The following MAP3K4 variants were observed in gnomAD, a reference collection of about 807,000 sequenced individuals.
MAP3K4 encodes the protein MAP three kinase 1.
Under a neutral mutation model 185.6 loss-of-function variants are expected in MAP3K4, and 67 were observed. The observed-to-expected ratio is 0.36, with a 90% CI of 0.30 to 0.44. MAP3K4 has a LOEUF of 0.44. Among genes scored for constraint, MAP3K4 ranks in the 20% least tolerant of loss-of-function variants. MAP3K4 has a pLI of 1.00. For missense variants in MAP3K4, 1,551 were observed against 1,995.1 expected, an observed-to-expected ratio of 0.78 and a Z score of 4.24; for synonymous variants, 702 against 710.4, an observed-to-expected ratio of 0.99 and a Z score of 0.19.
Position 161,114,299 on chromosome 6 carries a change from A to G in MAP3K4, c.4627-824A>G, listed in dbSNP as rs6901507. Reference sequence around the variant, plus strand: ...ATGTAAAAAGACACGCATGAACTGCACATGGTAGCTTACCGTACACATACA... The same window carrying G: ...ATGTAAAAAGACACGCATGAACTGCGCATGGTAGCTTACCGTACACATACA... On this transcript the variant is annotated intron_variant, in intron 25 of 26. Coordinates refer to ENST00000392142, the MANE Select transcript of MAP3K4 (RefSeq NM_005922.4). The surrounding 1 kb of genome is among the most constrained non-coding windows in gnomAD (Gnocchi z 4.3). 0.02 allele frequency among the ~76,000 whole-genome samples: 3,106 copies of G among 152,342 alleles called. 69 individuals carry two copies. The highest frequency in any genetic ancestry group is 0.051 in the African/African-American group (2,127 of 41,564).
chr6:161,113,486 G>A (rs1009524090), intron 25 of MAP3K4, among the ~76,000 whole-genome samples: 3 of 152,160 alleles, frequency 2.0e-5, no homozygotes, highest in African/African-American at 7.2e-5. Flanking sequence ...CCCATAGAAT[G>A]TGCAACAGAG....
chr6:161,112,087 AC>A lies in MAP3K4; in HGVS notation c.4519+131del, dbSNP rs2114920892. 8.1e-7 allele frequency: 1 copy of A among 1,235,264 alleles called. No homozygotes were observed. The highest frequency in any genetic ancestry group is 1.1e-6 in the Non-Finnish European group (1 of 903,476). The allele number at this position is 1,235,264 out of a possible 1,614,324, so 76.5% of individuals were successfully genotyped here. Reference sequence around the variant, plus strand: ...GTAAAGGTTTTCAGTCGTGAGAAGGACCACTTCCTCACACACTTGGGCTCCC... The same window carrying A: ...GTAAAGGTTTTCAGTCGTGAGAAGGACACTTCCTCACACACTTGGGCTCCC... On this transcript the variant is annotated intron_variant, in intron 24 of 26. Coordinates refer to ENST00000392142, the MANE Select transcript of MAP3K4 (RefSeq NM_005922.4). The surrounding 1 kb of genome is among the most constrained non-coding windows in gnomAD (Gnocchi z 5.1).
chr6:161,039,290 A>AAC (rs1554276216), intron 2 of MAP3K4, among the ~76,000 whole-genome samples: 1 of 151,874 alleles, frequency 6.6e-6, no homozygotes, highest in African/African-American at 2.4e-5. Context: ...AAAAAAAAAA[A>AAC]AAAAAAAAAA....
At position 161,087,837 on chromosome 6, in the gene MAP3K4, T is replaced by C. The variant is rs765688675; in HGVS notation, c.2706T>C (p.Leu902=). 6.2e-7 allele frequency: 1 copy of C among 1,614,136 alleles called. No individual in the cohort carries two copies. The highest frequency in any genetic ancestry group is 1.7e-5 in the Admixed American group (1 of 60,020). ...ACGTACTCATCGATGCCTATCTGCT[T>C]CTGACCAAGCACGGTGATCGAGCCC... is the stretch of plus-strand genomic sequence containing the variant. The part of the protein sequence containing the change: ...SDDVLIDAYL[L]LTKHGDRARD... The change falls in exon 10 of 27, where the codon CTT becomes CTC. Residue 902 remains leucine (L), a synonymous_variant. Transcript: ENST00000392142. The surrounding 1 kb of genome is among the most constrained non-coding windows in gnomAD (Gnocchi z 4.9).
Position 160,991,819 on chromosome 6 carries a change from G to A in MAP3K4, c.-113G>A, listed in dbSNP as rs1025923875. 8.2e-7 allele frequency: 1 copy of A among 1,212,994 alleles called. No individual in the cohort carries two copies. Among genetic ancestry groups the A allele is most frequent in the Non-Finnish European group, 1.1e-6 (1 of 935,484 alleles). 75.1% of individuals were successfully genotyped at this position (1,212,994 alleles called of 1,614,324 possible). Reference sequence around the variant, plus strand: ...TGGCCGCGGCGCGCACGGCTCCTGCGGCGGGGTAGAGGCGGAGGCGGAGTC... The same window carrying A: ...TGGCCGCGGCGCGCACGGCTCCTGCAGCGGGGTAGAGGCGGAGGCGGAGTC... On this transcript the variant is annotated 5_prime_UTR_variant, in exon 1 of 27. Transcript: ENST00000392142. This position sits in a 1 kb window ranked among gnomAD's most constrained non-coding sequence, Gnocchi z 5.7.
At chr6:161,018,116 C>T (rs371061380) in intron 1 of MAP3K4, among the ~76,000 whole-genome samples, 2 of 152,006 alleles carry the variant, frequency 1.3e-5, no homozygotes, top group African/African-American at 4.8e-5. Flanking sequence ...GACTGTGTTG[C>T]GGGGAAGAAT....
intron 1 of MAP3K4, among the ~76,000 whole-genome samples, chr6:161,006,824 G>A (rs1002207377): frequency 2.6e-5 from 4 of 151,506 alleles, no homozygotes; most frequent in Non-Finnish European, 5.9e-5. Context: ...TCAAGCATAC[G>A]CAAATGTAAC....
In MAP3K4 at chr6:161,087,888, C is replaced by T. The variant is rs760050122; in HGVS notation, c.2757C>T (p.Thr919=). 6.2e-7 allele frequency: 1 copy of T among 1,614,010 alleles called. No individual in the cohort carries two copies. The highest frequency in any genetic ancestry group is 8.5e-7 in the Non-Finnish European group (1 of 1,180,030). Residue 919 remains threonine (T), a synonymous_variant, in exon 10 of 27, where the codon ACC becomes ACT. Coordinates refer to ENST00000392142, the MANE Select transcript of MAP3K4 (RefSeq NM_005922.4). The surrounding 1 kb of genome is among the most constrained non-coding windows in gnomAD (Gnocchi z 4.9). ...GTGATTCAGAGGACAGCTGGGGCAC[C>T]TGGGAGGCACAGCCTGTCAAAGTCG... ...RARDSEDSWG[T]WEAQPVKVVP...
rs753077794 is a variant in MAP3K4, at chr6:161,073,540, G to A, written c.2025G>A (p.Glu675=). The stretch of plus-strand genomic sequence containing the variant: ...AGTACTACCAGTTCATGCTGCAGGA[G>A]GTTCTGGAGGACTTGGAGAAGCCCG... ...MKQYYQFMLQ[E]VLEDLEKPDC... is the part of the protein sequence containing the mutation. Residue 675 remains glutamate, a synonymous_variant, in exon 5 of 27, where the codon GAG becomes GAA. Coordinates refer to ENST00000392142, the MANE Select transcript of MAP3K4 (RefSeq NM_005922.4). This position sits in a 1 kb window ranked among gnomAD's most constrained non-coding sequence, Gnocchi z 4.2. 15 of 1,613,930 alleles carry A rather than the reference G, an allele frequency of 9.3e-6. No homozygotes were observed. The highest frequency in any genetic ancestry group is 1.2e-5 in the Non-Finnish European group (14 of 1,179,966).
rs894977262 is a variant in MAP3K4, at chr6:161,098,494, G to A, written c.3674+67G>A. On this transcript the variant is annotated intron_variant, in intron 17 of 26. Coordinates refer to ENST00000392142, the MANE Select transcript of MAP3K4 (RefSeq NM_005922.4). The surrounding 1 kb of genome is among the most constrained non-coding windows in gnomAD (Gnocchi z 4.4). ...TACATGCGCTTACACAGCAACCATAGTGTTAGGGTGTGTGCCGGCTGTGGT... is the reference window on the plus strand; with the variant it reads ...TACATGCGCTTACACAGCAACCATAATGTTAGGGTGTGTGCCGGCTGTGGT... 4.0e-6 allele frequency: 6 copies of A among 1,516,204 alleles called. No homozygotes were observed. In the African/African-American group the frequency reaches 5.5e-5, roughly 14 times the overall value. The allele number at this position is 1,516,204 out of a possible 1,614,324, so 93.9% of individuals were successfully genotyped here. A position where few individuals can be genotyped will look rare whatever the true frequency, so the allele number is the denominator to read the frequency against.
chr6:161,060,562 G>A (rs147098401), intron 3 of MAP3K4, among the ~76,000 whole-genome samples: 10 of 151,354 alleles, frequency 6.6e-5, no homozygotes, highest in Middle Eastern at 3.5e-3. Context: ...GCTATCCTAG[G>A]CTGACATTGT....
Position 161,101,836 on chromosome 6 carries a change from C to A in MAP3K4, c.3675-56C>A. The A allele has an allele frequency of 6.9e-7, 1 of 1,449,132 alleles. No homozygotes were observed. Among genetic ancestry groups the A allele is most frequent in the Non-Finnish European group, 9.6e-7 (1 of 1,037,178 alleles). 89.8% of individuals were successfully genotyped at this position (1,449,132 alleles called of 1,614,324 possible). A position where few individuals can be genotyped will look rare whatever the true frequency, so the allele number is the denominator to read the frequency against. ...ATTGCTCTAGAAAAATCTCGCAGATCTTTCATTTTAAGTTCTATTGAATTG... is the reference window on the plus strand; with the variant it reads ...ATTGCTCTAGAAAAATCTCGCAGATATTTCATTTTAAGTTCTATTGAATTG... On this transcript the variant is annotated intron_variant, in intron 17 of 26. Transcript: ENST00000392142. This position sits in a 1 kb window ranked among gnomAD's most constrained non-coding sequence, Gnocchi z 5.1.
chr6:161,050,088 A>C, intron 3 of MAP3K4, 109 bp downstream of exon 3: 1 of 1,117,534 alleles, frequency 8.9e-7, no homozygotes, highest in Non-Finnish European at 1.3e-6. Flanking sequence ...TTTGAACACA[A>C]ATGGCAGTTA....
chr6:161,012,556 C>T (rs1415592518), intron 1 of MAP3K4, among the ~76,000 whole-genome samples: 4 of 152,158 alleles, frequency 2.6e-5, no homozygotes, highest in African/African-American at 9.6e-5. Flanking sequence ...TAACTTGTTG[C>T]TTTATATAAT....
intron 15 of MAP3K4, among the ~76,000 whole-genome samples, chr6:161,094,963 ATAGAAAAAGTATC>A (rs1284337097): frequency 3.9e-5 from 6 of 152,238 alleles, no homozygotes; most frequent in African/African-American, 1.4e-4. Flanking sequence ...AAATCACAAC[ATAGAAAAAGTATC>A]TAGAAAAATA....
intron 11 of MAP3K4, among the ~76,000 whole-genome samples, chr6:161,090,273 T>G (rs1396548907): frequency 6.6e-6 from 1 of 152,250 alleles, no homozygotes; most frequent in Non-Finnish European, 1.5e-5. Context: ...GGAGACCTTG[T>G]GTGCACTCGT....
chr6:161,034,248 G>A lies in MAP3K4; in HGVS notation c.153-11G>A, dbSNP rs759287977. ...TTGCTGAATATTTTCCCTGCACACT[G>A]TCTTTCATAGGCAAGAGGGCACATT... On this transcript the variant is annotated splice_polypyrimidine_tract_variant and intron_variant, in intron 1 of 26. Coordinates refer to ENST00000392142, the MANE Select transcript of MAP3K4 (RefSeq NM_005922.4). The surrounding 1 kb of genome is among the most constrained non-coding windows in gnomAD (Gnocchi z 4.4). The A allele has an allele frequency of 3.7e-6, 6 of 1,608,228 alleles. No individual in the cohort carries two copies. Among genetic ancestry groups the A allele is most frequent in the Non-Finnish European group, 4.3e-6 (5 of 1,176,098 alleles).
rs1778179738 is a variant in MAP3K4 at position 161,108,096 on chromosome 6, T to C, written c.4119+127T>C. On this transcript the variant is annotated intron_variant, in intron 21 of 26. Coordinates refer to ENST00000392142, the MANE Select transcript of MAP3K4 (RefSeq NM_005922.4). This position sits in a 1 kb window ranked among gnomAD's most constrained non-coding sequence, Gnocchi z 5.7. ...GTCTTCAGCACCAGCACTGCGACAG[T>C]CAGGACCAACCAGGCAGATGCACTG... The C allele has an allele frequency of 1.3e-6, 1 of 746,798 alleles. No individual in the cohort carries two copies. The highest frequency in any genetic ancestry group is 1.7e-5 in the South Asian group (1 of 57,156). 46.3% of individuals were successfully genotyped at this position (746,798 alleles called of 1,614,324 possible).
At chr6:161,040,475 T>A (rs1227942854) in intron 2 of MAP3K4, among the ~76,000 whole-genome samples, 1 of 152,224 alleles carries the variant, frequency 6.6e-6, no homozygotes, top group Non-Finnish European at 1.5e-5. Context: ...TGTGGGTCCC[T>A]GGAAACTGAA....
Sources: allele counts gnomAD v4.1 joint callset (sites outside exome capture counted in the v4.1 genomes callset), GRCh38; gene constraint gnomAD v4.1.1; non-coding constraint Gnocchi (gnomAD v3.1); transcripts MANE v1.5; gene names NCBI Gene and HGNC (gene_info 2026-07-23, HGNC 2026-07-21).